The following TFRC variants were observed in gnomAD, a reference collection of about 807,000 sequenced individuals.
TFRC encodes the protein transferrin receptor protein 1.
Under a neutral mutation model 85.8 loss-of-function variants are expected in TFRC, and 35 were observed. The ratio of observed to expected loss-of-function variants is 0.41; its 90% CI spans 0.31 to 0.54. TFRC has a LOEUF of 0.54. TFRC is among the 20% of genes least tolerant of loss of function. TFRC has a pLI of 0.31. For synonymous variants in TFRC, 362 were observed against 328.6 expected (o/e 1.10, Z -1.10); for missense variants, 828 against 921.5 (o/e 0.90, Z 1.31).
At chr3:196,061,125 C>T (rs1435596737) in intron 13 of TFRC, among the ~76,000 whole-genome samples, 1 of 152,134 alleles carries the variant, frequency 6.6e-6, no homozygotes. Flanking sequence ...TCTTTTTTAC[C>T]CCATTCCTGT....
chr3:196,064,276 C>A, intron 11 of TFRC, 33 bp downstream of exon 11: 1 of 1,595,476 alleles, frequency 6.3e-7, no homozygotes, highest in Non-Finnish European at 8.5e-7. Context: ...TGCAGTGCAC[C>A]AATATTCAAA....
intron 13 of TFRC, among the ~76,000 whole-genome samples, chr3:196,061,556 C>G (rs1490129833): frequency 6.6e-6 from 1 of 152,126 alleles, no homozygotes; most frequent in Non-Finnish European, 1.5e-5. Context: ...ATGGCGCCAT[C>G]TTGGCTCACT....
chr3:196,072,916 A>G (rs1718331130), intron 4 of TFRC: 1 of 151,646 alleles, frequency 6.6e-6, no homozygotes, highest in African/African-American at 2.4e-5. Context: ...TAAAATAGAA[A>G]TTTGGCCAGG....
chr3:196,075,343 C>T lies in TFRC; in HGVS notation c.54G>A (p.Leu18=), dbSNP rs935061446. 6.2e-7 allele frequency: 1 copy of T among 1,614,064 alleles called. No individual in the cohort carries two copies. The highest frequency in any genetic ancestry group is 1.3e-5 in the African/African-American group (1 of 75,006). The change falls in exon 3 of 19, where the codon TTG becomes TTA. Residue 18 remains leucine (L), a synonymous_variant. Coordinates refer to ENST00000360110, the MANE Select transcript of TFRC (RefSeq NM_001128148.3). ...GAGCCAGGCTGAACCGGGTATATGACAATGGTTCTCCACCAAACTGTGTTG... is the reference window on the plus strand; with the variant it reads ...GAGCCAGGCTGAACCGGGTATATGATAATGGTTCTCCACCAAACTGTGTTG... The part of the protein sequence containing the change: ...AFSNLFGGEP[L]SYTRFSLARQ...
In TFRC at chr3:196,055,053, A is replaced by G. The variant is rs778154034; in HGVS notation, c.1899+27T>C. On this transcript the variant is annotated intron_variant, in intron 17 of 18. Coordinates refer to ENST00000360110, the MANE Select transcript of TFRC (RefSeq NM_001128148.3). ...CAAAATACTTGACATTCAGCAAAAT[A>G]AAAACGTAATTGGAATCAGTGCTCA... 2.5e-6 allele frequency: 4 copies of G among 1,603,964 alleles called. No individual in the cohort carries two copies. The South Asian group carries it at 3.3e-5, about 13-fold the overall frequency.
At chr3:196,057,263 T>C (rs1716873285) in intron 16 of TFRC, among the ~76,000 whole-genome samples, 1 of 152,172 alleles carries the variant, frequency 6.6e-6, no homozygotes, top group Admixed American at 6.5e-5. Flanking sequence ...ATTCCAGACA[T>C]TGTATAGAAA....
At chr3:196,053,733 C>T (rs758114461) in intron 17 of TFRC, among the ~76,000 whole-genome samples, 175 bp from the exon 18 acceptor site, 5 of 152,200 alleles carry the variant, frequency 3.3e-5, no homozygotes, top group Admixed American at 3.3e-4. Flanking sequence ...GTGATATACA[C>T]TCATATTTGA....
chr3:196,051,324 G>A lies in TFRC; in HGVS notation c.*618C>T, dbSNP rs951209893. 18 of 219,832 alleles carry A rather than the reference G, an allele frequency of 8.2e-5. No individual in the cohort carries two copies. Among genetic ancestry groups the A allele is most frequent in the Non-Finnish European group, 1.5e-4 (16 of 109,514 alleles). 13.6% of individuals were successfully genotyped at this position (219,832 alleles called of 1,614,324 possible). On this transcript the variant is annotated 3_prime_UTR_variant, in exon 19 of 19. Coordinates refer to ENST00000360110, the MANE Select transcript of TFRC (RefSeq NM_001128148.3). ...CCCTCTTTTCATAAATGACACTGAG[G>A]TTAACATATTAAGGCCTTATTCCTG...
intron 6 of TFRC, 43 bp from the exon 7 acceptor site, chr3:196,069,611 A>C: frequency 8.1e-7 from 1 of 1,233,552 alleles, no homozygotes; most frequent in Non-Finnish European, 1.2e-6. Context: ...ATGGTATCGG[A>C]ACAGCTCTAA....
intron 4 of TFRC, among the ~76,000 whole-genome samples, chr3:196,073,523 A>G (rs1033932452): frequency 2.0e-5 from 3 of 152,152 alleles, no homozygotes; most frequent in African/African-American, 7.2e-5. Context: ...GTTACCCATG[A>G]TCAAGGAGAT....
intron 14 of TFRC, among the ~76,000 whole-genome samples, chr3:196,059,933 C>A (rs767614713): frequency 1.3e-5 from 2 of 152,214 alleles, no homozygotes; most frequent in Non-Finnish European, 2.9e-5. Flanking sequence ...CTGTGGGCCC[C>A]TGCACTACAG....
In TFRC at chr3:196,053,415, TA is replaced by T; in HGVS notation, c.2040+2del. The T allele has an allele frequency of 6.2e-7, 1 of 1,614,164 alleles. No individual in the cohort carries two copies. Among genetic ancestry groups the T allele is most frequent in the Non-Finnish European group, 8.5e-7 (1 of 1,180,006 alleles). ...GTTCCTCCTTTCCCAAAAGTTCACT[TA>T]CTCTCATGACACGATCATTGAGTTT... is the stretch of plus-strand genomic sequence containing the variant. On this transcript the variant is annotated splice_donor_variant, in intron 18 of 18. Coordinates refer to ENST00000360110, the MANE Select transcript of TFRC (RefSeq NM_001128148.3). LOFTEE classifies it high-confidence loss of function.
chr3:196,056,978 T>C (rs553627541), intron 16 of TFRC, among the ~76,000 whole-genome samples: 1 of 152,268 alleles, frequency 6.6e-6, no homozygotes, highest in South Asian at 2.1e-4. Context: ...CACGCCACTA[T>C]GTCCGACTAA....
intron 18 of TFRC, among the ~76,000 whole-genome samples, chr3:196,052,942 G>C (rs41298083): frequency 6.6e-6 from 1 of 151,752 alleles, no homozygotes; most frequent in South Asian, 2.1e-4. Context: ...GTGAAACTCC[G>C]TTTCTACTAA....
In TFRC at chr3:196,050,436, G is replaced by A. The variant is rs962877420; in HGVS notation, c.*1506C>T. The stretch of plus-strand genomic sequence containing the variant: ...CATGTTAGATACTAACGATCTTCAA[G>A]CTTTGAAGATGTCATTGCATGAAGA... On this transcript the variant is annotated 3_prime_UTR_variant, in exon 19 of 19. Transcript: ENST00000360110. 2 of 208,920 alleles carry A rather than the reference G, an allele frequency of 9.6e-6. No individual in the cohort carries two copies. The highest frequency in any genetic ancestry group is 4.5e-5 in the African/African-American group (2 of 43,966). 12.9% of individuals were successfully genotyped at this position (208,920 alleles called of 1,614,324 possible). A position where few individuals can be genotyped will look rare whatever the true frequency, so the allele number is the denominator to read the frequency against.
intron 18 of TFRC, among the ~76,000 whole-genome samples, chr3:196,053,120 A>T (rs1291168377): frequency 6.6e-6 from 1 of 152,034 alleles, no homozygotes; most frequent in African/African-American, 2.4e-5. Context: ...GTCTCAAAAA[A>T]AAAAAAAATT....
In TFRC at chr3:196,065,421, G is replaced by C. The variant is rs764397004; in HGVS notation, c.1198+22C>G. 72 of 219,714 alleles carry C rather than the reference G, an allele frequency of 3.3e-4. 1 individual carries two copies. The highest frequency in any genetic ancestry group is 1.3e-3 in the South Asian group (12 of 9,392). The allele number at this position is 219,714 out of a possible 1,614,324, so 13.6% of individuals were successfully genotyped here. On this transcript the variant is annotated intron_variant, in intron 10 of 18. Transcript: ENST00000360110. ...GAAAACAAAAAAAAAGCGGGGCGGG[G>C]GGGGGGGGGGGCGGTCTTTACCTGG...
chr3:196,064,290 A>C lies in TFRC; in HGVS notation c.1318+19T>G, dbSNP rs1717526208. ...ATGCAGTGCACCAATATTCAAAAGAATCAAAATTTGTACTCTACCTTTTAA... is the reference window on the plus strand; with the variant it reads ...ATGCAGTGCACCAATATTCAAAAGACTCAAAATTTGTACTCTACCTTTTAA... On this transcript the variant is annotated intron_variant, in intron 11 of 18. Transcript: ENST00000360110. 1 of 1,601,300 alleles carries C rather than the reference A, an allele frequency of 6.2e-7. No individual in the cohort carries two copies. The highest frequency in any genetic ancestry group is 1.4e-5 in the African/African-American group (1 of 74,062).
Position 196,053,445 on chromosome 3 carries a change from C to T in TFRC, c.2013G>A (p.Met671Ile). Residue 671 changes from methionine to isoleucine, a missense_variant, in exon 18 of 19, where the codon ATG becomes ATA. Coordinates refer to ENST00000360110, the MANE Select transcript of TFRC (RefSeq NM_001128148.3). ...GNAEKTDRFVMKKLNDRVMRV... is the reference protein window; with the variant it reads ...GNAEKTDRFVIKKLNDRVMRV... ...TCATGACACGATCATTGAGTTTCTT[C>T]ATGACAAATCTGTCTGTTTTCTCAG... 6.2e-7 allele frequency: 1 copy of T among 1,614,204 alleles called. No homozygotes were observed.
Sources: allele counts gnomAD v4.1 joint callset (sites outside exome capture counted in the v4.1 genomes callset), GRCh38; gene constraint gnomAD v4.1.1; transcripts MANE v1.5; gene names NCBI Gene and HGNC (gene_info 2026-07-23, HGNC 2026-07-21).